TUSC3: variants seen among roughly 807,000 people sequenced by gnomAD.
TUSC3 encodes the protein dolichyl-diphosphooligosaccharide--protein glycosyltransferase subunit TUSC3.
Under a neutral mutation model 44.8 loss-of-function variants are expected in TUSC3, and 45 were observed. That is an observed-to-expected ratio of 1.00 (90% CI 0.79 to 1.29). The LOEUF (loss-of-function observed/expected upper bound fraction) is 1.29, where lower values mean the gene tolerates loss of function less well. Ranked by LOEUF, TUSC3 falls within the 50% of genes most tolerant of loss-of-function variation. The pLI is 0.00. For missense variants in TUSC3, 519 were observed against 437.9 expected (o/e 1.19, Z -1.65); for synonymous variants, 212 against 152.9 (o/e 1.39, Z -2.85).
At chr8:15,697,812 T>A (rs1338367545) in intron 6 of TUSC3, among the ~76,000 whole-genome samples, 4 of 152,212 alleles carry the variant, frequency 2.6e-5, no homozygotes, top group Non-Finnish European at 5.9e-5. Context: ...TTGTTTTGAT[T>A]TACGTAGTAA....
intron 2 of TUSC3, among the ~76,000 whole-genome samples, chr8:15,508,776 A>C (rs1279725839): frequency 6.6e-6 from 1 of 152,058 alleles, no homozygotes; most frequent in Non-Finnish European, 1.5e-5. Flanking sequence ...CTTCCTTTTT[A>C]AGTGGAATAG....
At chr8:15,658,599 G>C (rs1172852997) in intron 3 of TUSC3, among the ~76,000 whole-genome samples, 1 of 147,968 alleles carries the variant, frequency 6.8e-6, no homozygotes, top group East Asian at 2.0e-4. Flanking sequence ...ATAATTCCTG[G>C]GCAACAGAAA....
At chr8:15,689,941 C>T (rs1362865) in intron 6 of TUSC3, among the ~76,000 whole-genome samples, 69,075 of 150,522 alleles carry the variant, frequency 0.46, 16,618 homozygotes, top group Admixed American at 0.56. Flanking sequence ...AATTCCATTT[C>T]TTTGCTCCTG....
chr8:15,734,204 G>C (rs535490784), intron 7 of TUSC3, among the ~76,000 whole-genome samples: 1 of 152,244 alleles, frequency 6.6e-6, no homozygotes, highest in African/African-American at 2.4e-5. Context: ...TATCTGTAGA[G>C]AGAACATTTC....
At chr8:15,482,080 C>T (rs1455982028) in intron 1 of TUSC3, among the ~76,000 whole-genome samples, 1 of 152,188 alleles carries the variant, frequency 6.6e-6, no homozygotes, top group African/African-American at 2.4e-5. Context: ...AGCTTCTTCA[C>T]CAGGAGTATA....
At chr8:15,567,194 A>C (rs1418244965) in intron 1 of TUSC3, among the ~76,000 whole-genome samples, 1 of 152,160 alleles carries the variant, frequency 6.6e-6, no homozygotes, top group African/African-American at 2.4e-5. Flanking sequence ...CTTTTAATGA[A>C]GGAACTGAAA....
chr8:15,567,780 T>C (rs1314919739), intron 1 of TUSC3, among the ~76,000 whole-genome samples: 1 of 152,138 alleles, frequency 6.6e-6, no homozygotes, highest in Non-Finnish European at 1.5e-5. Flanking sequence ...CAAAATTTTG[T>C]GGTTATTGTG....
intron 1 of TUSC3, among the ~76,000 whole-genome samples, chr8:15,447,825 C>T (rs1023768012): frequency 6.6e-6 from 1 of 151,042 alleles, no homozygotes; most frequent in African/African-American, 2.4e-5. Flanking sequence ...GTAAGTGATA[C>T]CATGCGAGAA....
At position 15,443,297 on chromosome 8, in the gene TUSC3, T is replaced by C. The variant is rs920043034; in HGVS notation, n.91+25992T>C. ...GATCCTTCCACCTCAGCCTATGAAA[T>C]AGCTGGGACTACAGGTATACAACAC... On this transcript the variant is annotated intron_variant and non_coding_transcript_variant, in intron 1 of 5. Coordinates refer to the TUSC3 transcript ENST00000503191. Among the ~76,000 whole-genome samples, 3 of 151,066 alleles carry C rather than the reference T, an allele frequency of 2.0e-5. No individual in the cohort carries two copies. In the East Asian group the frequency reaches 5.9e-4, roughly 30 times the overall value.
At chr8:15,430,818 A>G (rs1294988068) in intron 1 of TUSC3, among the ~76,000 whole-genome samples, 1 of 151,810 alleles carries the variant, frequency 6.6e-6, no homozygotes, top group African/African-American at 2.4e-5. Flanking sequence ...AATCACAAGC[A>G]TTCTTATACA....
intron 1 of TUSC3, among the ~76,000 whole-genome samples, chr8:15,446,758 A>T (rs1474364363): frequency 1.4e-5 from 1 of 70,136 alleles, no homozygotes; most frequent in African/African-American, 5.6e-5. Flanking sequence ...GGGGAGGGGG[A>T]GGGAGAGCTA....
At chr8:15,638,167 C>G (rs142217244) in intron 2 of TUSC3, among the ~76,000 whole-genome samples, 1 of 152,040 alleles carries the variant, frequency 6.6e-6, no homozygotes, top group Non-Finnish European at 1.5e-5. Flanking sequence ...CCACCCCCGC[C>G]GCCCCCCGTA....
At chr8:15,849,443 T>C in the TUSC3 span, among the ~76,000 whole-genome samples, 13 of 152,140 alleles carry the variant, frequency 8.5e-5, no homozygotes, top group African/African-American at 3.1e-4. Flanking sequence ...GCAACGAAGT[T>C]TCCACATGGT....
At chr8:15,429,074 G>A (rs1799840529) in intron 1 of TUSC3, among the ~76,000 whole-genome samples, 1 of 152,084 alleles carries the variant, frequency 6.6e-6, no homozygotes, top group African/African-American at 2.4e-5. Flanking sequence ...TAATGCCTAG[G>A]TTTTCTTCTA....
chr8:15,461,469 T>C (rs1800344086), intron 1 of TUSC3, among the ~76,000 whole-genome samples: 2 of 152,088 alleles, frequency 1.3e-5, no homozygotes, highest in African/African-American at 2.4e-5. Context: ...AGCGATCATA[T>C]CATCAGCAAA....
At chr8:15,503,310 AT>A (rs1247718347) in intron 2 of TUSC3, among the ~76,000 whole-genome samples, 44 of 152,130 alleles carry the variant, frequency 2.9e-4, no homozygotes, top group Non-Finnish European at 5.9e-5. Flanking sequence ...CGCCTCCTGT[AT>A]CTTAGACTTG....
At chr8:15,698,371 T>C (rs576457409) in intron 6 of TUSC3, among the ~76,000 whole-genome samples, 2 of 152,338 alleles carry the variant, frequency 1.3e-5, no homozygotes, top group East Asian at 3.9e-4. Flanking sequence ...AGTAAACTTA[T>C]GAAAACAATT....
rs533928396 is a variant in TUSC3, at chr8:15,761,645, C to G, written c.*47-2558C>G. Reference sequence around the variant, plus strand: ...ATGGATAACTACAGTGCGATTCGTTCATGACTGAGCGTGGAGCAGAGTCCA... The same window carrying G: ...ATGGATAACTACAGTGCGATTCGTTGATGACTGAGCGTGGAGCAGAGTCCA... On this transcript the variant is annotated intron_variant, in intron 10 of 10. Coordinates refer to ENST00000503731, the MANE Select transcript of TUSC3 (RefSeq NM_006765.4). Among the ~76,000 whole-genome samples the G allele has an allele frequency of 2.6e-5, 4 of 152,312 alleles. No homozygotes were observed. The East Asian group carries it at 7.7e-4, about 29-fold the overall frequency.
intron 4 of TUSC3, 139 bp from the exon 5 acceptor site, chr8:15,662,017 G>C: frequency 1.1e-6 from 1 of 883,294 alleles, no homozygotes; most frequent in Non-Finnish European, 1.8e-6. Flanking sequence ...CAGAATGAAA[G>C]TAGTGCTAGT....
Sources: gnomAD v4.1 joint callset for allele counts (sites outside exome capture counted in the v4.1 genomes callset) on GRCh38, gnomAD v4.1.1 for gene constraint, MANE v1.5 for transcripts, NCBI Gene and HGNC (gene_info 2026-07-23, HGNC 2026-07-21) for gene names.